The following MPP7 variants were observed in gnomAD, a reference collection of about 807,000 sequenced individuals.
MPP7 encodes MAGUK p55 subfamily member 7.
MPP7 carries 60 observed loss-of-function variants against 76.5 expected under a neutral mutation model. The ratio of observed to expected loss-of-function variants is 0.78; its 90% CI spans 0.64 to 0.97. The LOEUF is 0.97. MPP7 is among the 50% of genes least tolerant of loss of function. MPP7 has a pLI of 0.00. For missense variants in MPP7, 641 were observed against 694.0 expected (o/e 0.92, Z 0.86); for synonymous variants, 237 against 244.5 (o/e 0.97, Z 0.29).
At chr10:28,329,878 G>A (rs1031749880) in intron 2 of MPP7, 1 of 152,106 alleles carries the variant, frequency 6.6e-6, no homozygotes. Context: ...TAAATATAAA[G>A]GCTTGGGGTC....
chr10:28,184,026 A>G (rs991256909), intron 3 of MPP7, among the ~76,000 whole-genome samples: 1 of 152,010 alleles, frequency 6.6e-6, no homozygotes. Flanking sequence ...CACACAAAGT[A>G]GGTACTATTA....
intron 2 of MPP7, among the ~76,000 whole-genome samples, chr10:28,323,631 G>A (rs1834386408): frequency 6.6e-6 from 1 of 152,098 alleles, no homozygotes; most frequent in Admixed American, 6.6e-5. Flanking sequence ...GATCACGTGA[G>A]GCCAGGAGTT....
At chr10:28,186,789 G>A (rs1431763982) in intron 3 of MPP7, among the ~76,000 whole-genome samples, 1 of 152,186 alleles carries the variant, frequency 6.6e-6, no homozygotes, top group African/African-American at 2.4e-5. Context: ...AATTCACTTA[G>A]TAGAGCAATT....
At chr10:28,138,749 T>C (rs1481960939) in intron 5 of MPP7, among the ~76,000 whole-genome samples, 1 of 152,190 alleles carries the variant, frequency 6.6e-6, no homozygotes, top group African/African-American at 2.4e-5. Flanking sequence ...CACAATCTTA[T>C]ACTATTATGA....
intron 1 of MPP7, among the ~76,000 whole-genome samples, chr10:28,273,554 A>C (rs1840395012): frequency 1.3e-5 from 2 of 152,022 alleles, no homozygotes. Flanking sequence ...CATTCTACCC[A>C]CTCTCACATT....
At chr10:28,304,609 T>G (rs1187874262), upstream of MPP7, among the ~76,000 whole-genome samples, 1 of 152,212 alleles carries the variant, frequency 6.6e-6, no homozygotes, top group Non-Finnish European at 1.5e-5. Context: ...AATTCTAAAC[T>G]GTAGTCTAAA....
chr10:28,282,695 T>C (rs1214688095), intron 1 of MPP7, among the ~76,000 whole-genome samples: 3 of 151,834 alleles, frequency 2.0e-5, no homozygotes, highest in East Asian at 3.9e-4. Context: ...AAACCAGAAA[T>C]GGAGGAACTA....
At chr10:28,186,608 G>A (rs1365621926) in intron 3 of MPP7, among the ~76,000 whole-genome samples, 1 of 152,216 alleles carries the variant, frequency 6.6e-6, no homozygotes, top group Non-Finnish European at 1.5e-5. Flanking sequence ...AACTGGGAAT[G>A]TCAGGACCAC....
rs1837796575 is a variant in MPP7, at chr10:28,202,223, A to C, written c.86T>G (p.Val29Gly). The stretch of plus-strand genomic sequence containing the variant: ...GAAGGTCAGGTCTTCCTGGCTATCC[A>C]CATGTGGCTGCAGCTGGGCTGGCAG... ...AALPAQLQPH[V>G]DSQEDLTFLW... The change falls in exon 3 of 17, where the codon GTG becomes GGG. Residue 29 changes from valine (V) to glycine (G), a missense_variant. By Grantham distance (109) the Val-to-Gly change is moderately radical. Coordinates refer to ENST00000683449, the MANE Select transcript of MPP7 (RefSeq NM_001318170.2). 6.2e-7 allele frequency: 1 copy of C among 1,613,864 alleles called. No homozygotes were observed. Among genetic ancestry groups the C allele is most frequent in the East Asian group, 2.2e-5 (1 of 44,866 alleles).
At chr10:28,259,759 G>A (rs11006962) in intron 1 of MPP7, among the ~76,000 whole-genome samples, 22,295 of 151,386 alleles carry the variant, frequency 0.15, 2,234 homozygotes, top group East Asian at 0.53. Flanking sequence ...TGGGAGAATC[G>A]CTTGAGCCCA....
intron 2 of MPP7, among the ~76,000 whole-genome samples, chr10:28,323,999 A>T (rs981998716): frequency 4.6e-5 from 7 of 152,214 alleles, no homozygotes; most frequent in Admixed American, 2.6e-4. Flanking sequence ...TCCTAGTGAG[A>T]TGATAATAGC....
chr10:28,310,115 C>T (rs1841281743), intron 2 of MPP7, among the ~76,000 whole-genome samples: 1 of 151,436 alleles, frequency 6.6e-6, no homozygotes, highest in South Asian at 2.1e-4. Context: ...AATTCTCCTA[C>T]CTCAGCCTCC....
At chr10:28,168,167 G>A (rs1057385427) in intron 3 of MPP7, among the ~76,000 whole-genome samples, 8 of 152,048 alleles carry the variant, frequency 5.3e-5, no homozygotes, top group East Asian at 3.9e-4. Context: ...CTCAGTAGGC[G>A]GAGGCTGCAG....
At chr10:28,143,377 AAG>A (rs1303879174) in intron 5 of MPP7, among the ~76,000 whole-genome samples, 3 of 152,222 alleles carry the variant, frequency 2.0e-5, no homozygotes, top group Non-Finnish European at 4.4e-5. Context: ...ATTATCAAAA[AAG>A]AATATTTCTG....
At chr10:28,167,496 G>A (rs1003888233) in intron 3 of MPP7, among the ~76,000 whole-genome samples, 13 of 152,250 alleles carry the variant, frequency 8.5e-5, no homozygotes, top group East Asian at 1.9e-4. Flanking sequence ...AGGGAACAGC[G>A]TTTGAGAAGG....
At chr10:28,117,484 T>C (rs1834697565) in intron 11 of MPP7, among the ~76,000 whole-genome samples, 1 of 152,102 alleles carries the variant, frequency 6.6e-6, no homozygotes, top group Non-Finnish European at 1.5e-5. Context: ...TTCATGGCAT[T>C]TTCCTATAAT....
chr10:28,271,924 G>A (rs1374301000), intron 1 of MPP7, among the ~76,000 whole-genome samples: 2 of 152,110 alleles, frequency 1.3e-5, no homozygotes, highest in African/African-American at 2.4e-5. Flanking sequence ...GCAGTGAGCC[G>A]AGACCATGCC....
chr10:28,068,612 G>A (rs914918648), intron 13 of MPP7, among the ~76,000 whole-genome samples: 8 of 152,066 alleles, frequency 5.3e-5, no homozygotes, highest in African/African-American at 1.7e-4. Flanking sequence ...TCTGTGTACT[G>A]AAAAGAAGCT....
intron 2 of MPP7, among the ~76,000 whole-genome samples, chr10:28,207,110 A>G (rs1837973633): frequency 6.6e-6 from 1 of 152,162 alleles, no homozygotes; most frequent in Non-Finnish European, 1.5e-5. Context: ...GAACTTCAAT[A>G]TAAAGCAGCT....
Sources: allele counts gnomAD v4.1 joint callset (sites outside exome capture counted in the v4.1 genomes callset), GRCh38; gene constraint gnomAD v4.1.1; transcripts MANE v1.5; gene names NCBI Gene and HGNC (gene_info 2026-07-23, HGNC 2026-07-21).